The following FAAH2 variants were observed in gnomAD, a reference collection of about 807,000 sequenced individuals.
FAAH2 encodes the protein fatty-acid amide hydrolase 2.
FAAH2 carries 60 observed loss-of-function variants against 36.9 expected under a neutral mutation model. The ratio of observed to expected loss-of-function variants is 1.63; its 90% CI spans 1.32 to 2.02. FAAH2 has a LOEUF of 2.02. Ranked by LOEUF, FAAH2 falls within the 30% of genes most tolerant of loss-of-function variation. The probability of loss-of-function intolerance (pLI) is 0.00; values close to 1 mark genes in which losing one functional copy is unlikely to be tolerated. For missense variants in FAAH2, 689 were observed against 397.5 expected (o/e 1.73, Z -6.23); for synonymous variants, 214 against 143.8 (o/e 1.49, Z -3.49).
At chrX:57,415,592 CTT>C in intron 7 of FAAH2, among the ~76,000 whole-genome samples, 1 of 111,406 alleles carries the variant, frequency 9.0e-6, no homozygotes, top group Non-Finnish European at 1.9e-5. Flanking sequence ...CTGAGAGACT[CTT>C]TGTTTTGATT....
the FAAH2 span, among the ~76,000 whole-genome samples, chrX:57,277,368 T>C: frequency 9.0e-6 from 1 of 111,639 alleles, no homozygotes; most frequent in Non-Finnish European, 1.9e-5. Flanking sequence ...TTCAACAAAA[T>C]TCAACAGCCT....
chrX:57,228,632 G>A, the FAAH2 span, among the ~76,000 whole-genome samples: 2 of 111,085 alleles, frequency 1.8e-5, no homozygotes, highest in African/African-American at 6.6e-5. Context: ...TGCTCTGTCC[G>A]GAGCTGCAAT....
chrX:57,301,260 C>G (rs749113200), intron 2 of FAAH2, among the ~76,000 whole-genome samples: 3 of 111,088 alleles, frequency 2.7e-5, no homozygotes, highest in Non-Finnish European at 5.7e-5. Context: ...GGCACATACA[C>G]ACAATGGAAT....
chrX:57,372,194 C>T (rs2054569280), intron 5 of FAAH2, among the ~76,000 whole-genome samples: 2 of 111,431 alleles, frequency 1.8e-5, no homozygotes, highest in South Asian at 7.5e-4. Context: ...AATAGTAGTT[C>T]TATTTTTTAG....
intron 2 of FAAH2, among the ~76,000 whole-genome samples, chrX:57,305,920 G>T (rs745851406): frequency 5.4e-5 from 6 of 111,602 alleles, no homozygotes; most frequent in Non-Finnish European, 1.1e-4. Flanking sequence ...GTGCCTCAAG[G>T]TTTTCTTTCC....
intron 8 of FAAH2, among the ~76,000 whole-genome samples, chrX:57,444,468 T>C (rs1197931379): frequency 9.0e-6 from 1 of 111,728 alleles, no homozygotes; most frequent in African/African-American, 3.3e-5. Context: ...AAGCACAGTA[T>C]TAGGGTGGGT....
At chrX:57,251,956 G>T in the FAAH2 span, among the ~76,000 whole-genome samples, 2 of 112,005 alleles carry the variant, frequency 1.8e-5, no homozygotes, top group African/African-American at 6.5e-5. Flanking sequence ...GCCAAGGGAA[G>T]CCATGAGTGA....
At chrX:57,318,999 T>C (rs1172287882) in intron 3 of FAAH2, among the ~76,000 whole-genome samples, 1 of 111,406 alleles carries the variant, frequency 9.0e-6, no homozygotes, top group South Asian at 3.8e-4. Context: ...CTCAATAAAG[T>C]AGGTATTAAT....
intron 10 of FAAH2, chrX:57,452,050 G>A: frequency 2.9e-6 from 1 of 341,643 alleles, no homozygotes; most frequent in Non-Finnish European, 3.8e-6. Context: ...ATAATTGGGA[G>A]AGGTGATTAC....
chrX:57,482,380 G>A (rs1174128497), intron 10 of FAAH2, among the ~76,000 whole-genome samples: 1 of 111,746 alleles, frequency 8.9e-6, no homozygotes. Context: ...GGCCCCGGTG[G>A]TGTAGGTACA....
At chrX:57,323,333 T>C (rs1307653200) in intron 3 of FAAH2, among the ~76,000 whole-genome samples, 2 of 111,693 alleles carry the variant, frequency 1.8e-5, no homozygotes, top group African/African-American at 6.5e-5. Context: ...ATTTACAATC[T>C]TTTGGGTATA....
At chrX:57,211,734 G>A in the FAAH2 span, among the ~76,000 whole-genome samples, 1 of 111,614 alleles carries the variant, frequency 9.0e-6, no homozygotes, top group African/African-American at 3.3e-5. Flanking sequence ...GGCTACTCAG[G>A]AGGACTTGAG....
intron 5 of FAAH2, among the ~76,000 whole-genome samples, chrX:57,350,431 A>G (rs1487411310): frequency 9.1e-6 from 1 of 110,403 alleles, no homozygotes; most frequent in East Asian, 2.8e-4. Flanking sequence ...AACCACAATG[A>G]CAAACAACGT....
At chrX:57,465,011 TA>T (rs1250175769) in intron 10 of FAAH2, among the ~76,000 whole-genome samples, 1 of 111,952 alleles carries the variant, frequency 8.9e-6, no homozygotes, top group Non-Finnish European at 1.9e-5. Flanking sequence ...GGAATGACAG[TA>T]TTTTATTAAA....
chrX:57,246,295 T>TG, the FAAH2 span, among the ~76,000 whole-genome samples: 1 of 111,649 alleles, frequency 9.0e-6, no homozygotes, highest in East Asian at 2.8e-4. Flanking sequence ...CTACCACAGG[T>TG]GAAAAGAGGA....
intron 2 of FAAH2, among the ~76,000 whole-genome samples, chrX:57,306,641 A>G (rs936129600): frequency 3.0e-5 from 3 of 100,282 alleles, no homozygotes; most frequent in Non-Finnish European, 4.0e-5. Context: ...AGATAATTTT[A>G]TTTGTTTCAC....
chrX:57,226,243 C>A, the FAAH2 span, among the ~76,000 whole-genome samples: 1 of 111,032 alleles, frequency 9.0e-6, no homozygotes, highest in African/African-American at 3.3e-5. Context: ...TTTTATAGGC[C>A]CTTTGTAATT....
At chrX:57,360,097 T>C (rs1313395477) in intron 5 of FAAH2, among the ~76,000 whole-genome samples, 1 of 110,182 alleles carries the variant, frequency 9.1e-6, no homozygotes, top group African/African-American at 3.3e-5. Flanking sequence ...GCTATTCTCC[T>C]GCTACCTATA....
intron 3 of FAAH2, among the ~76,000 whole-genome samples, chrX:57,329,547 G>A (rs905559478): frequency 1.8e-5 from 2 of 109,888 alleles, no homozygotes; most frequent in Non-Finnish European, 3.8e-5. Flanking sequence ...GGAAGAGGTA[G>A]GGTGCACTCA....
Sources: allele counts gnomAD v4.1 joint callset (sites outside exome capture counted in the v4.1 genomes callset), GRCh38; gene constraint gnomAD v4.1.1; transcripts MANE v1.5; gene names NCBI Gene and HGNC (gene_info 2026-07-23, HGNC 2026-07-21).